Variants in MTMR4 observed in about 807,000 individuals in gnomAD.
MTMR4 encodes the protein phosphatidylinositol-3,5-bisphosphate 3-phosphatase MTMR4.
A neutral mutation model predicts 125.5 loss-of-function variants in MTMR4; 30 were observed. The ratio of observed to expected loss-of-function variants is 0.24; its 90% CI spans 0.18 to 0.32. The LOEUF (loss-of-function observed/expected upper bound fraction) is 0.32. MTMR4 is among the 10% of genes least tolerant of loss of function. MTMR4 has a pLI of 1.00. For missense variants in MTMR4, 1,039 were observed against 1,511.5 expected, an observed-to-expected ratio of 0.69 and a Z score of 5.18; for synonymous variants, 498 against 564.5, an observed-to-expected ratio of 0.88 and a Z score of 1.67.
chr17:58,517,970 C>A (rs1443044822), upstream of MTMR4: 1 of 152,992 alleles, frequency 6.5e-6, no homozygotes, highest in African/African-American at 2.4e-5. Flanking sequence ...ATGGCCACGC[C>A]AAGTCCCGCC....
chr17:58,495,731 T>C lies in MTMR4; in HGVS notation c.2453A>G (p.Lys818Arg), dbSNP rs749161457. ...QPDSMLGVPS[K>R]CVLDHSLSTV... ...GCTGAGGCTGTGATCAAGAACACAC[T>C]TGGAGGGCACACCTAGCATGGAGTC... Residue 818 changes from lysine (K) to arginine (R), a missense_variant, in exon 15 of 18, where the codon AAG becomes AGG. This residue lies in a region of MTMR4 where 619 missense variants were observed against 714.5 expected (regional missense o/e 0.87). Transcript: ENST00000682306. The C allele has an allele frequency of 6.2e-7, 1 of 1,614,084 alleles. No individual in the cohort carries two copies. Among genetic ancestry groups the C allele is most frequent in the South Asian group, 1.1e-5 (1 of 91,076 alleles).
rs1322827715 is a variant in MTMR4 at position 58,504,517 on chromosome 17, G to C, written c.1342-29C>G. On this transcript the variant is annotated intron_variant, in intron 11 of 17. Transcript: ENST00000682306. The surrounding 1 kb of genome is among the most constrained non-coding windows in gnomAD (Gnocchi z 7.1). ...CAAAAAAAGAAACTGTTCAAACATA[G>C]GGCCTCTCTGGAAATGCTGATGTGC... The C allele has an allele frequency of 6.2e-7, 1 of 1,601,174 alleles. No individual in the cohort carries two copies. The highest frequency in any genetic ancestry group is 8.5e-7 in the Non-Finnish European group (1 of 1,173,112).
upstream of MTMR4, chr17:58,514,648 AGG>A (rs1273876685): frequency 2.9e-5 from 29 of 984,996 alleles, no homozygotes; most frequent in Non-Finnish European, 3.4e-5. Context: ...GAGCCAGGCG[AGG>A]GGAGAGCCCG....
chr17:58,511,457 T>C lies in MTMR4; in HGVS notation c.307A>G (p.Ile103Val), dbSNP rs755078925. 2.8e-5 allele frequency: 45 copies of C among 1,612,602 alleles called. No individual in the cohort carries two copies. The highest frequency in any genetic ancestry group is 3.7e-5 in the Non-Finnish European group (44 of 1,179,480). ...ACCACTTTGGAGTCCTTGCAGGAAA[T>C]GTGCAACTGGAACATATCACGGCTC... ...VESRDMFQLH[I>V]SCKDSKVVRC... Residue 103 changes from isoleucine (I) to valine (V), a missense_variant, in exon 4 of 18, where the codon ATT becomes GTT. By Grantham distance (29) the Ile-to-Val change is conservative. Around this residue, in one of 6 missense-constraint regions of MTMR4, gnomAD observed 202 missense variants for 311.9 expected, o/e 0.65. Coordinates refer to ENST00000682306, the MANE Select transcript of MTMR4 (RefSeq NM_001378067.1).
At chr17:58,502,469 A>G (rs1027902265) in intron 14 of MTMR4, among the ~76,000 whole-genome samples, 1 of 151,938 alleles carries the variant, frequency 6.6e-6, no homozygotes, top group African/African-American at 2.4e-5. Flanking sequence ...GTAATTTACA[A>G]ATTTTTAAAA....
At position 58,491,645 on chromosome 17, in the gene MTMR4, C is replaced by A; in HGVS notation, c.*18G>T. The A allele has an allele frequency of 6.2e-7, 1 of 1,606,854 alleles. No individual in the cohort carries two copies. Among genetic ancestry groups the A allele is most frequent in the Non-Finnish European group, 8.5e-7 (1 of 1,174,626 alleles). ...TCCCTTCAAACCTGCTAAAATTGGA[C>A]AGGTTTCTCCCCGGCATTCAACTGG... On this transcript the variant is annotated 3_prime_UTR_variant, in exon 18 of 18. Coordinates refer to ENST00000682306, the MANE Select transcript of MTMR4 (RefSeq NM_001378067.1).
chr17:58,498,528 C>CGGGGGGAGGAG (rs1179802503), intron 14 of MTMR4, among the ~76,000 whole-genome samples: 1 of 55,920 alleles, frequency 1.8e-5, no homozygotes, highest in African/African-American at 7.4e-5. Flanking sequence ...GAAGGAGAAG[C>CGGGGGGAGGAG]GGGGGAGGAG....
intron 14 of MTMR4, among the ~76,000 whole-genome samples, chr17:58,496,548 C>T (rs559085412): frequency 2.6e-5 from 4 of 152,276 alleles, no homozygotes; most frequent in Admixed American, 6.5e-5. Context: ...CCGTGTCCTC[C>T]GGAACCCAAA....
intron 15 of MTMR4, 64 bp downstream of exon 15, chr17:58,494,868 G>A: frequency 1.3e-6 from 2 of 1,483,020 alleles, no homozygotes; most frequent in Non-Finnish European, 1.8e-6. Flanking sequence ...AATAAATGCT[G>A]AATGGAGGGA....
chr17:58,501,599 C>T (rs1182869350), intron 14 of MTMR4, among the ~76,000 whole-genome samples: 1 of 150,782 alleles, frequency 6.6e-6, no homozygotes, highest in Non-Finnish European at 1.5e-5. Context: ...TACATATATA[C>T]ACACATATAT....
chr17:58,495,011 C>T lies in MTMR4; in HGVS notation c.3173G>A (p.Arg1058His), dbSNP rs774894520. The T allele has an allele frequency of 2.7e-5, 44 of 1,614,230 alleles. No individual in the cohort carries two copies. Among genetic ancestry groups the T allele is most frequent in the Middle Eastern group, 3.3e-4 (2 of 6,062 alleles). The change falls in exon 15 of 18, where the codon CGT becomes CAT. Residue 1058 changes from arginine (R) to histidine (H), a missense_variant. Coordinates refer to ENST00000682306, the MANE Select transcript of MTMR4 (RefSeq NM_001378067.1). The stretch of plus-strand genomic sequence containing the variant: ...GATGTCCAGCCTCATCTGAAGCTCA[C>T]GCACCTGTCGACGTAGCTGCTCCAC... ...QEVEQLRRQV[R>H]ELQMRLDIRH...
At chr17:58,496,532 C>T (rs1011454935) in intron 14 of MTMR4, among the ~76,000 whole-genome samples, 1 of 152,228 alleles carries the variant, frequency 6.6e-6, no homozygotes, top group Non-Finnish European at 1.5e-5. Flanking sequence ...AAGCATGAGA[C>T]ATGGACCGTG....
At chr17:58,499,650 C>T (rs1356007965) in intron 14 of MTMR4, among the ~76,000 whole-genome samples, 5 of 149,858 alleles carry the variant, frequency 3.3e-5, no homozygotes, top group Admixed American at 6.7e-5. Flanking sequence ...TTGAGACAGT[C>T]TCACTCTGTT....
Position 58,495,939 on chromosome 17 carries a change from G to T in MTMR4, c.2245C>A (p.Pro749Thr). Residue 749 changes from proline to threonine, a missense_variant, in exon 15 of 18, where the codon CCT (proline) becomes ACT (threonine). Pro to Thr is a conservative substitution (Grantham distance 38). Coordinates refer to ENST00000682306, the MANE Select transcript of MTMR4 (RefSeq NM_001378067.1). ...CTACCCAGCTCATCCTGGGCAGAAG[G>T]GTCTGGAGCTGGTCCCTTAGTCTCT... ...LEETKGPAPD[P>T]SAQDELGRTL... The T allele has an allele frequency of 6.2e-7, 1 of 1,614,130 alleles. No individual in the cohort carries two copies. The highest frequency in any genetic ancestry group is 8.5e-7 in the Non-Finnish European group (1 of 1,180,036).
chr17:58,511,291 A>G (rs1975923895), intron 4 of MTMR4, 138 bp downstream of exon 4: 2 of 808,796 alleles, frequency 2.5e-6, no homozygotes, highest in Non-Finnish European at 1.9e-6. Flanking sequence ...CCCAACCCAG[A>G]ACATGGTCTT....
intron 4 of MTMR4, among the ~76,000 whole-genome samples, chr17:58,509,604 G>T (rs1975872706): frequency 6.6e-6 from 1 of 151,612 alleles, no homozygotes; most frequent in Non-Finnish European, 1.5e-5. Flanking sequence ...ATTCTTCATA[G>T]AGACAGGGTC....
upstream of MTMR4, chr17:58,516,454 G>T: frequency 1.0e-6 from 1 of 979,468 alleles, no homozygotes; most frequent in Non-Finnish European, 1.6e-6. Flanking sequence ...CAGGGCAGAT[G>T]AACATGTTTA....
At chr17:58,497,835 T>A (rs918476010) in intron 14 of MTMR4, among the ~76,000 whole-genome samples, 6 of 133,446 alleles carry the variant, frequency 4.5e-5, no homozygotes, top group African/African-American at 1.3e-4. Flanking sequence ...TGAATAAGAA[T>A]GGCCAAGAGT....
At chr17:58,500,686 G>T (rs1352227281) in intron 14 of MTMR4, among the ~76,000 whole-genome samples, 2 of 146,242 alleles carry the variant, frequency 1.4e-5, no homozygotes, top group Non-Finnish European at 3.0e-5. Flanking sequence ...GGAGGCGGAG[G>T]TTGCAGTGAG....
Sources: allele counts gnomAD v4.1 joint callset (sites outside exome capture counted in the v4.1 genomes callset), GRCh38; gene constraint gnomAD v4.1.1; regional missense constraint gnomAD v4.1.1; non-coding constraint Gnocchi (gnomAD v3.1); transcripts MANE v1.5; gene names NCBI Gene and HGNC (gene_info 2026-07-23, HGNC 2026-07-21).